The following ZNF423 variants were observed in gnomAD, a reference collection of about 807,000 sequenced individuals.
The protein encoded by ZNF423 is zinc finger protein 423, also known as Ebf-associated zinc finger protein.
Under a neutral mutation model 95.8 loss-of-function variants are expected in ZNF423, and 12 were observed. That is an observed-to-expected ratio of 0.13 (90% CI 0.08 to 0.20). The LOEUF is 0.20. ZNF423 is among the 10% of genes least tolerant of loss of function. The pLI is 1.00. For missense variants in ZNF423, 1,316 were observed against 1,737.1 expected (o/e 0.76, Z 4.31); for synonymous variants, 749 against 711.9 (o/e 1.05, Z -0.83).
intron 5 of ZNF423, among the ~76,000 whole-genome samples, chr16:49,550,420 T>C (rs1212899217): frequency 6.6e-6 from 1 of 152,262 alleles, no homozygotes; most frequent in Non-Finnish European, 1.5e-5. Flanking sequence ...GATTTGCTAA[T>C]GGGTTGCAGC....
At chr16:49,617,699 T>C (rs1179782230) in intron 5 of ZNF423, among the ~76,000 whole-genome samples, 2 of 152,076 alleles carry the variant, frequency 1.3e-5, no homozygotes, top group Non-Finnish European at 2.9e-5. Context: ...TTTGGAGCCT[T>C]CCAGCTCCCA....
At chr16:49,612,889 T>A (rs995062121) in intron 5 of ZNF423, among the ~76,000 whole-genome samples, 2 of 151,224 alleles carry the variant, frequency 1.3e-5, no homozygotes, top group African/African-American at 4.9e-5. Context: ...AATAAACACA[T>A]GAACACTGAA....
At chr16:49,610,063 T>G (rs1048934779) in intron 5 of ZNF423, among the ~76,000 whole-genome samples, 5 of 152,144 alleles carry the variant, frequency 3.3e-5, no homozygotes, top group African/African-American at 9.7e-5. Flanking sequence ...AAAAGAACTG[T>G]CAATCCAGAG....
intron 2 of ZNF423, among the ~76,000 whole-genome samples, chr16:49,770,935 C>T (rs892615022): frequency 1.1e-4 from 17 of 152,198 alleles, no homozygotes; most frequent in African/African-American, 2.9e-4. Flanking sequence ...TTCCAGCCCC[C>T]ACCTTCCCTC....
chr16:49,843,454 C>T (rs1299901030), intron 1 of ZNF423, among the ~76,000 whole-genome samples: 4 of 152,106 alleles, frequency 2.6e-5, no homozygotes, highest in Non-Finnish European at 1.5e-5. Flanking sequence ...ATGGTGGAGC[C>T]CAGGTAATGT....
chr16:49,598,824 T>TGC (rs2151827727), intron 5 of ZNF423, among the ~76,000 whole-genome samples: 1 of 152,380 alleles, frequency 6.6e-6, no homozygotes, highest in Non-Finnish European at 1.5e-5. Context: ...GCAGATGGTT[T>TGC]ATAACTACTG....
At position 49,855,275 on chromosome 16, in the gene ZNF423, C is replaced by T. The variant is rs1013910783; in HGVS notation, c.40+460G>A. 6.6e-6 allele frequency among the ~76,000 whole-genome samples: 1 copy of T among 151,168 alleles called. No individual in the cohort carries two copies. The highest frequency in any genetic ancestry group is 2.4e-5 in the African/African-American group (1 of 41,270). On this transcript the variant is annotated intron_variant, in intron 1 of 7. Transcript: ENST00000563137. This position sits in a 1 kb window ranked among gnomAD's most constrained non-coding sequence, Gnocchi z 4.7. ...AGCGAGGCCCGGGGCCAGCGAGGAG[C>T]GGTCGGCCTGCCGGGCGCCCGTCCT... is the stretch of plus-strand genomic sequence containing the variant.
intron 1 of ZNF423, among the ~76,000 whole-genome samples, chr16:49,819,233 G>C (rs1233689610): frequency 3.9e-5 from 5 of 129,504 alleles, no homozygotes; most frequent in African/African-American, 1.4e-4. Context: ...CTGGGTGACA[G>C]AGTGAGATTC....
chr16:49,723,530 G>A (rs912372280), intron 3 of ZNF423, among the ~76,000 whole-genome samples: 1 of 152,130 alleles, frequency 6.6e-6, no homozygotes, highest in Non-Finnish European at 1.5e-5. Context: ...ATTTACTGTG[G>A]TTTTCACAAT....
chr16:49,563,682 C>G (rs1970090514), intron 5 of ZNF423, among the ~76,000 whole-genome samples: 1 of 152,232 alleles, frequency 6.6e-6, no homozygotes, highest in Non-Finnish European at 1.5e-5. Flanking sequence ...GGCCTGTCGG[C>G]ACCATCCCAA....
At chr16:49,820,036 G>A (rs1303571569) in intron 1 of ZNF423, among the ~76,000 whole-genome samples, 3 of 151,438 alleles carry the variant, frequency 2.0e-5, no homozygotes, top group Non-Finnish European at 4.4e-5. Flanking sequence ...GTGGATGGAT[G>A]GATGGATGGA....
intron 1 of ZNF423, among the ~76,000 whole-genome samples, chr16:49,832,975 A>G (rs1188405623): frequency 6.6e-6 from 1 of 152,248 alleles, no homozygotes; most frequent in Non-Finnish European, 1.5e-5. Flanking sequence ...AAGCCAATCA[A>G]AACACATCTG....
chr16:49,627,445 CTA>C, intron 4 of ZNF423, among the ~76,000 whole-genome samples: 9 of 149,890 alleles, frequency 6.0e-5, no homozygotes, highest in Admixed American at 6.0e-4. Context: ...ATCCATCCAT[CTA>C]CATATATACC....
In ZNF423 at chr16:49,686,549, G is replaced by C. The variant is rs1184401291; in HGVS notation, c.301+44222C>G. ...CGTACGCCCCACACGGAGGATGCAG[G>C]TCCCCTGTCAGTGCCCTCCCAGCCT... On this transcript the variant is annotated intron_variant, in intron 3 of 7. Transcript: ENST00000563137. 1.3e-4 allele frequency among the ~76,000 whole-genome samples: 20 copies of C among 152,198 alleles called. No homozygotes were observed. The East Asian group carries it at 2.5e-3, about 19-fold the overall frequency.
intron 2 of ZNF423, among the ~76,000 whole-genome samples, chr16:49,737,522 A>T (rs2033315427): frequency 6.6e-6 from 1 of 152,224 alleles, no homozygotes; most frequent in Non-Finnish European, 1.5e-5. Context: ...GGCCTCCCGA[A>T]GTGCTGGGAA....
At chr16:49,562,782 A>G (rs1970059750) in intron 5 of ZNF423, among the ~76,000 whole-genome samples, 1 of 152,108 alleles carries the variant, frequency 6.6e-6, no homozygotes, top group Non-Finnish European at 1.5e-5. Context: ...GCATAGCTGT[A>G]AGCATTTTTT....
intron 5 of ZNF423, among the ~76,000 whole-genome samples, chr16:49,612,958 A>G (rs562207878): frequency 3.1e-4 from 47 of 152,224 alleles, no homozygotes; most frequent in South Asian, 1.0e-3. Context: ...AGATACATCT[A>G]ACAAAACCTG....
chr16:49,501,651 T>G (rs1370885914), intron 7 of ZNF423, among the ~76,000 whole-genome samples: 1 of 151,740 alleles, frequency 6.6e-6, no homozygotes, highest in Non-Finnish European at 1.5e-5. Context: ...GTGGGTTGGA[T>G]AATGAAAATG....
chr16:49,723,145 C>T lies in ZNF423; in HGVS notation c.301+7626G>A, dbSNP rs144297250. On this transcript the variant is annotated intron_variant, in intron 3 of 7. Transcript: ENST00000563137. Reference sequence around the variant, plus strand: ...TAATTTTTTGTATTTTCAGTAGAGACGGGGTTTCACTGTGTTAGCCAGGAT... The same window carrying T: ...TAATTTTTTGTATTTTCAGTAGAGATGGGGTTTCACTGTGTTAGCCAGGAT... 5.8e-3 allele frequency among the ~76,000 whole-genome samples: 878 copies of T among 152,014 alleles called. 20 individuals carry two copies. In the East Asian group the frequency reaches 0.067, roughly 12 times the overall value.
Sources: gnomAD v4.1 joint callset for allele counts (sites outside exome capture counted in the v4.1 genomes callset) on GRCh38, gnomAD v4.1.1 for gene constraint, Gnocchi (gnomAD v3.1) non-coding constraint, MANE v1.5 for transcripts, NCBI Gene and HGNC (gene_info 2026-07-23, HGNC 2026-07-21) for gene names.